The following RPTOR variants were observed in gnomAD, a reference collection of about 807,000 sequenced individuals.
The protein encoded by RPTOR is regulatory associated protein of MTOR complex 1, also known as regulatory-associated protein of mTOR.
Under a neutral mutation model 169.9 loss-of-function variants are expected in RPTOR, and 21 were observed. The observed-to-expected ratio is 0.12, with a 90% CI of 0.09 to 0.18. The LOEUF is 0.18. Ranked by LOEUF, RPTOR falls within the 10% of genes least tolerant of loss-of-function variation. The pLI, the probability that RPTOR is intolerant of heterozygous loss-of-function variation, is 1.00. For missense variants in RPTOR, 1,133 were observed against 1,855.9 expected (o/e 0.61, Z 7.16); for synonymous variants, 732 against 753.2 (o/e 0.97, Z 0.46).
At chr17:80,689,168 T>C (rs1265936522) in intron 3 of RPTOR, among the ~76,000 whole-genome samples, 1 of 152,256 alleles carries the variant, frequency 6.6e-6, no homozygotes, top group Non-Finnish European at 1.5e-5. Context: ...GACTACCTTA[T>C]GAAGTCAGTA....
At chr17:80,729,654 A>C (rs1281596755) in intron 4 of RPTOR, among the ~76,000 whole-genome samples, 2 of 152,246 alleles carry the variant, frequency 1.3e-5, no homozygotes, top group East Asian at 3.8e-4. Flanking sequence ...TCTCAATGAC[A>C]AAGTGCTTAT....
intron 3 of RPTOR, among the ~76,000 whole-genome samples, chr17:80,700,393 AGTGGTGGTGATGGTG>A (rs1360788762): frequency 2.3e-5 from 3 of 130,832 alleles, no homozygotes; most frequent in Non-Finnish European, 5.0e-5. Context: ...TGATGGTGGT[AGTGGTGGTGATGGTG>A]GTGGTGGTGA....
intron 7 of RPTOR, among the ~76,000 whole-genome samples, chr17:80,812,041 A>T (rs1366744333): frequency 6.6e-6 from 1 of 152,240 alleles, no homozygotes; most frequent in Non-Finnish European, 1.5e-5. Context: ...CCTCTCGAAC[A>T]AGGCCTCAAC....
At chr17:80,760,094 A>G (rs2066719212) in intron 6 of RPTOR, among the ~76,000 whole-genome samples, 1 of 151,874 alleles carries the variant, frequency 6.6e-6, no homozygotes, top group African/African-American at 2.4e-5. Flanking sequence ...GGGCTTTGGG[A>G]TTTAGGCGCC....
In RPTOR at chr17:80,945,665, A is replaced by C; in HGVS notation, c.3026-2A>C. The stretch of plus-strand genomic sequence containing the variant: ...TCCACTCTTGTGTGTTTCTTTTGAC[A>C]GGCATTACGAGATTGGACGACCAAA... On this transcript the variant is annotated splice_acceptor_variant, in intron 25 of 33. Transcript: ENST00000306801. LOFTEE classifies it high-confidence loss of function. 1 of 1,588,098 alleles carries C rather than the reference A, an allele frequency of 6.3e-7. No individual in the cohort carries two copies. Among genetic ancestry groups the C allele is most frequent in the Non-Finnish European group, 8.6e-7 (1 of 1,160,758 alleles).
chr17:80,793,726 C>T (rs1335777181), intron 7 of RPTOR, among the ~76,000 whole-genome samples: 1 of 152,256 alleles, frequency 6.6e-6, no homozygotes, highest in Non-Finnish European at 1.5e-5. Context: ...GCCACATGAG[C>T]TCAGACAGCG....
intron 4 of RPTOR, among the ~76,000 whole-genome samples, chr17:80,718,902 C>G (rs2066261336): frequency 6.6e-6 from 1 of 152,140 alleles, no homozygotes; most frequent in Admixed American, 6.5e-5. Context: ...AGAGAAACTC[C>G]AGGTAGAAGG....
chr17:80,688,971 C>T (rs2065969549), intron 3 of RPTOR, among the ~76,000 whole-genome samples: 1 of 152,316 alleles, frequency 6.6e-6, no homozygotes, highest in Admixed American at 6.5e-5. Flanking sequence ...GGTGGCCTCT[C>T]CTGCAGAACG....
intron 1 of RPTOR, among the ~76,000 whole-genome samples, chr17:80,569,016 TA>T (rs1357114224): frequency 1.3e-5 from 2 of 152,238 alleles, no homozygotes; most frequent in Non-Finnish European, 2.9e-5. Context: ...TTTCAGATGC[TA>T]TTTTTTTTCT....
At chr17:80,618,820 T>A (rs2065333194) in intron 1 of RPTOR, among the ~76,000 whole-genome samples, 1 of 152,214 alleles carries the variant, frequency 6.6e-6, no homozygotes, top group African/African-American at 2.4e-5. Flanking sequence ...CAGTTGCTGC[T>A]GGTGATGATG....
intron 7 of RPTOR, among the ~76,000 whole-genome samples, chr17:80,817,740 A>T (rs536439007): frequency 6.6e-6 from 1 of 152,298 alleles, no homozygotes; most frequent in South Asian, 2.1e-4. Flanking sequence ...GAGACACAGC[A>T]GCTCTTGTTG....
At chr17:80,767,794 C>T (rs1320258312) in intron 6 of RPTOR, among the ~76,000 whole-genome samples, 2 of 152,098 alleles carry the variant, frequency 1.3e-5, no homozygotes, top group Non-Finnish European at 2.9e-5. Flanking sequence ...TTTTATGCAC[C>T]TGGGGCCTTT....
intron 12 of RPTOR, among the ~76,000 whole-genome samples, 165 bp downstream of exon 12, chr17:80,855,712 A>G (rs924952314): frequency 1.3e-5 from 2 of 152,116 alleles, no homozygotes; most frequent in Non-Finnish European, 2.9e-5. Flanking sequence ...TGAGGCCCTC[A>G]AGGAGCCCAC....
chr17:80,710,843 C>T (rs527667304), intron 4 of RPTOR, among the ~76,000 whole-genome samples: 7 of 152,254 alleles, frequency 4.6e-5, no homozygotes, highest in South Asian at 2.1e-4. Flanking sequence ...CTTGCCTAGG[C>T]GGAGTAATCA....
At chr17:80,715,692 C>G (rs1186836610) in intron 4 of RPTOR, among the ~76,000 whole-genome samples, 1 of 134,532 alleles carries the variant, frequency 7.4e-6, no homozygotes, top group Non-Finnish European at 1.6e-5. Flanking sequence ...TTTGCTGCAC[C>G]CTTGTAGTCT....
chr17:80,888,765 C>T (rs1319893086), intron 17 of RPTOR, among the ~76,000 whole-genome samples: 1 of 152,218 alleles, frequency 6.6e-6, no homozygotes, highest in East Asian at 1.9e-4. Flanking sequence ...CGGCTGGGGC[C>T]TCAGTGACCC....
intron 20 of RPTOR, among the ~76,000 whole-genome samples, chr17:80,906,832 A>C (rs148682523): frequency 2.6e-5 from 4 of 151,946 alleles, no homozygotes; most frequent in African/African-American, 4.8e-5. Context: ...CCTGGAGACA[A>C]TCACTCACTG....
chr17:80,871,231 G>A (rs979510128), intron 13 of RPTOR, among the ~76,000 whole-genome samples: 2 of 152,150 alleles, frequency 1.3e-5, no homozygotes, highest in African/African-American at 2.4e-5. Flanking sequence ...TCAGCCTCCC[G>A]AGTAGCTGGG....
At chr17:80,693,179 A>G (rs2066007055) in intron 3 of RPTOR, among the ~76,000 whole-genome samples, 1 of 152,138 alleles carries the variant, frequency 6.6e-6, no homozygotes, top group African/African-American at 2.4e-5. Context: ...CTAATTCATG[A>G]TTGTGGTGGT....
Sources: allele counts gnomAD v4.1 joint callset (sites outside exome capture counted in the v4.1 genomes callset), GRCh38; gene constraint gnomAD v4.1.1; transcripts MANE v1.5; gene names NCBI Gene and HGNC (gene_info 2026-07-23, HGNC 2026-07-21).